Variants in TIMP3 observed in about 807,000 individuals in gnomAD.
TIMP3 encodes the protein TIMP metallopeptidase inhibitor 3, also known as metalloproteinase inhibitor 3.
TIMP3 carries 11 observed loss-of-function variants against 30.0 expected under a neutral mutation model. The ratio of observed to expected loss-of-function variants is 0.37; its 90% CI spans 0.23 to 0.61. TIMP3 has a LOEUF of 0.61. Ranked by LOEUF, TIMP3 falls within the 20% of genes least tolerant of loss-of-function variation. The pLI, the probability that TIMP3 is intolerant of heterozygous loss-of-function variation, is 0.70. For missense variants in TIMP3, 181 were observed against 276.8 expected (o/e 0.65, Z 2.45); for synonymous variants, 112 against 111.3 (o/e 1.01, Z -0.04).
At chr22:32,847,928 G>C (rs1180684416) in intron 1 of TIMP3, among the ~76,000 whole-genome samples, 2 of 152,196 alleles carry the variant, frequency 1.3e-5, no homozygotes, top group Non-Finnish European at 2.9e-5. Flanking sequence ...CCCTGATAGA[G>C]GCACTCTCTG....
rs557083196 is a variant in TIMP3, at chr22:32,858,833, C to T, written c.439-347C>T. Among the ~76,000 whole-genome samples the T allele has an allele frequency of 1.8e-4, 28 of 152,256 alleles. No individual in the cohort carries two copies. In the South Asian group the frequency reaches 5.6e-3, roughly 31 times the overall value. ...AGTTTATGCTCTAACCTTTCTAATT[C>T]CTCGATTCCCTAAAACAACTGAGAT... On this transcript the variant is annotated intron_variant, in intron 4 of 4. Coordinates refer to ENST00000266085, the MANE Select transcript of TIMP3 (RefSeq NM_000362.5).
intron 1 of TIMP3, among the ~76,000 whole-genome samples, chr22:32,827,635 C>T (rs958942634): frequency 2.0e-5 from 3 of 152,166 alleles, no homozygotes; most frequent in Non-Finnish European, 4.4e-5. Context: ...CTTTCTCCAA[C>T]AAGTAGACAG....
At chr22:32,849,900 G>A (rs2048172327) in intron 2 of TIMP3, among the ~76,000 whole-genome samples, 1 of 151,960 alleles carries the variant, frequency 6.6e-6, no homozygotes, top group Non-Finnish European at 1.5e-5. Context: ...GGTTGGACTA[G>A]ATCATCTCTA....
chr22:32,843,253 C>T (rs747787916), intron 1 of TIMP3, among the ~76,000 whole-genome samples: 2 of 152,194 alleles, frequency 1.3e-5, no homozygotes. Flanking sequence ...AAGAGGCATT[C>T]GATAAATGGT....
chr22:32,824,754 C>T (rs1440146354), intron 1 of TIMP3, among the ~76,000 whole-genome samples: 31 of 152,166 alleles, frequency 2.0e-4, no homozygotes, highest in Non-Finnish European at 4.4e-4. Context: ...TGTTCTTTCG[C>T]TTCTGAACCA....
At chr22:32,808,257 A>G (rs1341988260) in intron 1 of TIMP3, among the ~76,000 whole-genome samples, 4 of 152,230 alleles carry the variant, frequency 2.6e-5, no homozygotes, top group African/African-American at 4.8e-5. Flanking sequence ...ACACACATAC[A>G]CAGGGTTTTG....
rs151254004 is a variant in TIMP3, at chr22:32,859,379, C to T, written c.*2C>T. 1.4e-4 allele frequency: 223 copies of T among 1,607,822 alleles called. 1 individual carries two copies. The highest frequency in any genetic ancestry group is 1.1e-3 in the African/African-American group (81 of 74,922). ...ATCATCAATGCCACAGACCCCTGAG[C>T]GCCAGACCCTGCCCCACCTCACTTC... is the stretch of plus-strand genomic sequence containing the variant. On this transcript the variant is annotated 3_prime_UTR_variant, in exon 5 of 5. Transcript: ENST00000266085.
At chr22:32,859,046 T>C in intron 4 of TIMP3, 134 bp from the exon 5 acceptor site, 1 of 798,510 alleles carries the variant, frequency 1.3e-6, no homozygotes, top group Non-Finnish European at 2.2e-6. Context: ...GCTATTTATA[T>C]TATGATCACT....
At chr22:32,820,885 A>C (rs2047227713) in intron 1 of TIMP3, among the ~76,000 whole-genome samples, 1 of 152,218 alleles carries the variant, frequency 6.6e-6, no homozygotes, top group African/African-American at 2.4e-5. Context: ...AGTTTGCCAG[A>C]TATTGCTAAT....
rs568438080 is a variant in TIMP3, at chr22:32,837,336, G to A, written c.122-12116G>A. On this transcript the variant is annotated intron_variant, in intron 1 of 4. Transcript: ENST00000266085. This position sits in a 1 kb window ranked among gnomAD's most constrained non-coding sequence, Gnocchi z 4.1. ...TCTCAGGGGATAGGGGGTGGTCTCAGCCCCCCTCACCGAGTGCACTTGCAT... is the reference window on the plus strand; with the variant it reads ...TCTCAGGGGATAGGGGGTGGTCTCAACCCCCCTCACCGAGTGCACTTGCAT... Among the ~76,000 whole-genome samples, 135 of 152,258 alleles carry A rather than the reference G, an allele frequency of 8.9e-4. 1 individual carries two copies. The highest frequency in any genetic ancestry group is 1.6e-3 in the Non-Finnish European group (111 of 68,016).
chr22:32,811,036 A>C (rs188538309), intron 1 of TIMP3, among the ~76,000 whole-genome samples: 1 of 152,186 alleles, frequency 6.6e-6, no homozygotes, highest in African/African-American at 2.4e-5. Flanking sequence ...GAAATACTTC[A>C]TGGAATGTTT....
At chr22:32,828,078 T>C (rs1320833650) in intron 1 of TIMP3, among the ~76,000 whole-genome samples, 1 of 152,190 alleles carries the variant, frequency 6.6e-6, no homozygotes, top group Non-Finnish European at 1.5e-5. Flanking sequence ...ACCAGGAGAG[T>C]AGAGACCTTG....
intron 1 of TIMP3, among the ~76,000 whole-genome samples, chr22:32,831,564 T>C (rs1450565408): frequency 6.6e-6 from 1 of 152,222 alleles, no homozygotes. Flanking sequence ...GAAGCATTTT[T>C]ATTACCAAGG....
intron 1 of TIMP3, among the ~76,000 whole-genome samples, chr22:32,848,645 C>T (rs886959452): frequency 6.6e-6 from 1 of 152,192 alleles, no homozygotes; most frequent in Non-Finnish European, 1.5e-5. Flanking sequence ...ATGTCCAAGA[C>T]AGTATCAAGA....
chr22:32,862,570 G>A lies in TIMP3; in HGVS notation c.*3193G>A, dbSNP rs2048575970. Reference sequence around the variant, plus strand: ...GACTACCCCAAGATGGCACCCAAGTGTTTGGCTTCTGGCTACCTAAGGTTA... The same window carrying A: ...GACTACCCCAAGATGGCACCCAAGTATTTGGCTTCTGGCTACCTAAGGTTA... On this transcript the variant is annotated 3_prime_UTR_variant, in exon 5 of 5. Transcript: ENST00000266085. 1 of 152,210 alleles carries A rather than the reference G, an allele frequency of 6.6e-6. No individual in the cohort carries two copies. Among genetic ancestry groups the A allele is most frequent in the Non-Finnish European group, 1.5e-5 (1 of 68,050 alleles). The allele number at this position is 152,210 out of a possible 1,614,324, so 9.4% of individuals were successfully genotyped here.
Position 32,857,260 on chromosome 22 carries a change from C to T in TIMP3, c.216C>T (p.Gly72=), listed in dbSNP as rs752346816. ...CCTTTTGCCCACAGATGTACCGAGG[C>T]TTCACCAAGATGCCCCATGTGCAGT... ...YTIKQMKMYR[G]FTKMPHVQYI... Residue 72 remains glycine, a synonymous_variant, in exon 3 of 5, where the codon GGC becomes GGT. Coordinates refer to ENST00000266085, the MANE Select transcript of TIMP3 (RefSeq NM_000362.5). The T allele has an allele frequency of 3.1e-6, 5 of 1,613,948 alleles. No homozygotes were observed. Among genetic ancestry groups the T allele is most frequent in the Non-Finnish European group, 4.2e-6 (5 of 1,179,862 alleles).
intron 1 of TIMP3, among the ~76,000 whole-genome samples, chr22:32,808,347 C>T (rs2046821123): frequency 6.6e-6 from 1 of 152,132 alleles, no homozygotes; most frequent in Non-Finnish European, 1.5e-5. Flanking sequence ...CTTCTTGTTG[C>T]CTATGGATGG....
At chr22:32,830,953 G>GT (rs201162932) in intron 1 of TIMP3, among the ~76,000 whole-genome samples, 22 of 151,754 alleles carry the variant, frequency 1.4e-4, no homozygotes, top group Admixed American at 2.0e-4. Context: ...AAAAATGTGT[G>GT]TTTTTTTTTC....
rs1569283625 is a variant in TIMP3, at chr22:32,861,232, C to A, written c.*1855C>A. ...GTAGAGTCTTGCACACACACAAGTGCCCAGGCAAGGTGCTTGGCAGAACCG... is the reference window on the plus strand; with the variant it reads ...GTAGAGTCTTGCACACACACAAGTGACCAGGCAAGGTGCTTGGCAGAACCG... On this transcript the variant is annotated 3_prime_UTR_variant, in exon 5 of 5. Coordinates refer to ENST00000266085, the MANE Select transcript of TIMP3 (RefSeq NM_000362.5). The A allele has an allele frequency of 6.6e-6, 1 of 151,608 alleles. No individual in the cohort carries two copies. Among genetic ancestry groups the A allele is most frequent in the Non-Finnish European group, 1.5e-5 (1 of 67,938 alleles). 9.4% of individuals were successfully genotyped at this position (151,608 alleles called of 1,614,324 possible).
Sources: gnomAD v4.1 joint callset for allele counts (sites outside exome capture counted in the v4.1 genomes callset) on GRCh38, gnomAD v4.1.1 for gene constraint, Gnocchi (gnomAD v3.1) non-coding constraint, MANE v1.5 for transcripts, NCBI Gene and HGNC (gene_info 2026-07-23, HGNC 2026-07-21) for gene names.